The following UTP14A variants were observed in gnomAD, a reference collection of about 807,000 sequenced individuals.
UTP14A encodes U3 small nucleolar RNA-associated protein 14 homolog A.
A neutral mutation model predicts 57.2 loss-of-function variants in UTP14A; 5 were observed. The observed-to-expected ratio is 0.09, with a 90% confidence interval of 0.05 to 0.18. The LOEUF (loss-of-function observed/expected upper bound fraction) is 0.18, where lower values mean the gene tolerates loss of function less well. Ranked by LOEUF, UTP14A falls within the 10% of genes least tolerant of loss-of-function variation. The probability of loss-of-function intolerance (pLI) is 1.00; values close to 1 mark genes in which losing one functional copy is unlikely to be tolerated. For missense variants in UTP14A, 430 were observed against 562.1 expected, an observed-to-expected ratio of 0.76 and a Z score of 2.38; for synonymous variants, 169 against 210.9, an observed-to-expected ratio of 0.80 and a Z score of 1.72.
chrX:129,918,825 C>T (rs1181011360), intron 6 of UTP14A, among the ~76,000 whole-genome samples: 2 of 108,707 alleles, frequency 1.8e-5, no homozygotes, highest in African/African-American at 3.4e-5. Context: ...TGCAGTGAGC[C>T]GAGATCACGC....
chrX:129,919,551 G>T, intron 8 of UTP14A, 62 bp downstream of exon 8: 1 of 1,122,287 alleles, frequency 8.9e-7, no homozygotes, highest in South Asian at 2.0e-5. Context: ...GGTTCATCAT[G>T]AATTCTTTGG....
intron 8 of UTP14A, among the ~76,000 whole-genome samples, chrX:129,919,813 G>C (rs924061063): frequency 1.2e-4 from 13 of 111,550 alleles, no homozygotes; most frequent in African/African-American, 3.9e-4. Context: ...GGGTGTGGTG[G>C]CTATGCTTGT....
chrX:129,913,983 A>AAT (rs1481289491), intron 6 of UTP14A, among the ~76,000 whole-genome samples: 1 of 111,147 alleles, frequency 9.0e-6, no homozygotes, highest in Non-Finnish European at 1.9e-5. Flanking sequence ...TCTGTCTCAA[A>AAT]ATATATATAT....
chrX:129,926,425 AAG>A lies in UTP14A; in HGVS notation c.2043+92_2043+93del, dbSNP rs750151634. The A allele has an allele frequency of 9.1e-5, 75 of 822,656 alleles. 3 individuals carry two copies. The South Asian group carries it at 1.8e-3, about 19-fold the overall frequency. 67.8% of individuals were successfully genotyped at this position (822,656 alleles called of 1,213,427 possible). On this transcript the variant is annotated intron_variant, in intron 14 of 14. Transcript: ENST00000394422. ...AGGAGTATTCTAGTGATCTGTAGTC[AAG>A]AGAGACGTGTGATCTTGACCGCAGA...
chrX:129,908,490 G>A (rs1929338201), intron 3 of UTP14A, 180 bp from the exon 4 acceptor site: 1 of 490,302 alleles, frequency 2.0e-6, no homozygotes, highest in African/African-American at 2.4e-5. Context: ...GAAGAGATGA[G>A]GGTTAGACAA....
intron 14 of UTP14A, among the ~76,000 whole-genome samples, chrX:129,926,811 G>T (rs1170668582): frequency 9.0e-6 from 1 of 111,719 alleles, no homozygotes; most frequent in Non-Finnish European, 1.9e-5. Context: ...GTGTAAAGGG[G>T]ACTCAAGAAC....
chrX:129,918,604 G>A (rs1442439976), intron 6 of UTP14A, among the ~76,000 whole-genome samples: 6 of 110,789 alleles, frequency 5.4e-5, no homozygotes, highest in East Asian at 2.9e-4. Flanking sequence ...CTGGGCCGGC[G>A]CGGTGGCTCA....
intron 6 of UTP14A, among the ~76,000 whole-genome samples, chrX:129,914,757 A>G (rs1044679402): frequency 8.9e-6 from 1 of 112,339 alleles, no homozygotes; most frequent in African/African-American, 3.2e-5. Flanking sequence ...CCCTCTCCTC[A>G]CTATTCTCTG....
At chrX:129,922,102 A>G (rs1255979634) in intron 11 of UTP14A, 2 of 113,213 alleles carry the variant, frequency 1.8e-5, no homozygotes, top group Admixed American at 9.3e-5. Flanking sequence ...ATGGGGTGAG[A>G]CTTTACGGAA....
Position 129,912,151 on chromosome X carries a change from C to T in UTP14A, c.537+230C>T, listed in dbSNP as rs956631363. 8.4e-5 allele frequency among the ~76,000 whole-genome samples: 9 copies of T among 106,920 alleles called. No individual in the cohort carries two copies. In the South Asian group the frequency reaches 1.2e-3, roughly 15 times the overall value. The allele number at this position is 106,920 out of a possible 115,157, so 92.8% of individuals were successfully genotyped here. A position where few individuals can be genotyped will look rare whatever the true frequency, so the allele number is the denominator to read the frequency against. Reference sequence around the variant, plus strand: ...TTCTTGAGACAGGGTCTTGCTCTGTCGCCCAGGCTGGAGTGCAGTGGCACG... The same window carrying T: ...TTCTTGAGACAGGGTCTTGCTCTGTTGCCCAGGCTGGAGTGCAGTGGCACG... On this transcript the variant is annotated intron_variant, in intron 6 of 14. Coordinates refer to ENST00000394422, the MANE Select transcript of UTP14A (RefSeq NM_006649.4).
At chrX:129,923,278 G>A (rs1929980874) in intron 11 of UTP14A, among the ~76,000 whole-genome samples, 1 of 112,175 alleles carries the variant, frequency 8.9e-6, no homozygotes. Flanking sequence ...GTCACTGCCA[G>A]GTTTCCCTCC....
At chrX:129,909,431 G>A (rs767028995) in intron 4 of UTP14A, among the ~76,000 whole-genome samples, 9 of 110,504 alleles carry the variant, frequency 8.1e-5, no homozygotes, top group East Asian at 2.8e-4. Flanking sequence ...GGATGGTCTG[G>A]ATCTCCTGAC....
At chrX:129,914,926 G>A (rs1929623497) in intron 6 of UTP14A, among the ~76,000 whole-genome samples, 1 of 112,651 alleles carries the variant, frequency 8.9e-6, no homozygotes, top group South Asian at 3.6e-4. Flanking sequence ...CTATGAAACA[G>A]GCCAGACGGA....
chrX:129,924,701 G>T lies in UTP14A; in HGVS notation c.1349-94G>T, dbSNP rs138846841. The T allele has an allele frequency of 8.8e-4, 914 of 1,036,458 alleles. 4 individuals are homozygous for T. The East Asian group carries it at 0.025, about 28-fold the overall frequency. The allele number at this position is 1,036,458 out of a possible 1,213,427, so 85.4% of individuals were successfully genotyped here. A position where few individuals can be genotyped will look rare whatever the true frequency, so the allele number is the denominator to read the frequency against. Reference sequence around the variant, plus strand: ...TGTCCTTTTTATAATGTCTTATGTGGTACCTAGCACTTGGTGGGTGCTCAA... The same window carrying T: ...TGTCCTTTTTATAATGTCTTATGTGTTACCTAGCACTTGGTGGGTGCTCAA... On this transcript the variant is annotated intron_variant, in intron 11 of 14. Transcript: ENST00000394422.
chrX:129,912,763 G>A (rs1385679836), intron 6 of UTP14A, among the ~76,000 whole-genome samples: 2 of 111,649 alleles, frequency 1.8e-5, no homozygotes, highest in East Asian at 5.6e-4. Context: ...TTTAGAGCTG[G>A]GTTTCCCAAA....
At chrX:129,915,530 A>C (rs1277382938) in intron 6 of UTP14A, among the ~76,000 whole-genome samples, 1 of 110,262 alleles carries the variant, frequency 9.1e-6, no homozygotes. Context: ...GTCTCAAAAA[A>C]AAAAAAAAAA....
chrX:129,918,600 C>T (rs895213648), intron 6 of UTP14A, among the ~76,000 whole-genome samples: 2 of 110,429 alleles, frequency 1.8e-5, no homozygotes, highest in Admixed American at 9.6e-5. Context: ...TAATCTGGGC[C>T]GGCGCGGTGG....
At chrX:129,919,631 T>C in intron 8 of UTP14A, 142 bp downstream of exon 8, 2 of 683,669 alleles carry the variant, frequency 2.9e-6, no homozygotes, top group Non-Finnish European at 4.3e-6. Context: ...AGCCTTTTGT[T>C]CCCCCCAAAC....
Position 129,908,103 on chromosome X carries a change from C to T in UTP14A, c.146C>T (p.Ala49Val). ...AGAAAGCATCAAAAGCTTCTGGAAG[C>T]AATCAGTTCCCTTGATGGAAAGAAT... ...GERKHQKLLE[A>V]ISSLDGKNRR... Residue 49 changes from alanine to valine, a missense_variant, in exon 3 of 15, where the codon GCA becomes GTA. Physicochemically the swap from Ala to Val is moderately conservative, Grantham distance 64 (BLOSUM62 0). Transcript: ENST00000394422. 8.3e-7 allele frequency: 1 copy of T among 1,208,553 alleles called. No homozygotes were observed. Among genetic ancestry groups the T allele is most frequent in the Non-Finnish European group, 1.1e-6 (1 of 894,277 alleles).
Sources: gnomAD v4.1 joint callset for allele counts (sites outside exome capture counted in the v4.1 genomes callset) on GRCh38, gnomAD v4.1.1 for gene constraint, MANE v1.5 for transcripts, NCBI Gene and HGNC (gene_info 2026-07-23, HGNC 2026-07-21) for gene names.